The following PTPRR variants were observed in gnomAD, a reference collection of about 807,000 sequenced individuals.
PTPRR encodes the protein protein tyrosine phosphatase receptor type R, also known as receptor-type tyrosine-protein phosphatase R.
Under a neutral mutation model 77.2 loss-of-function variants are expected in PTPRR, and 38 were observed. That is an observed-to-expected ratio of 0.49 (90% CI 0.38 to 0.65). The LOEUF (loss-of-function observed/expected upper bound fraction) is 0.65, where lower values mean the gene tolerates loss of function less well. PTPRR is among the 30% of genes least tolerant of loss of function. PTPRR has a pLI of 0.00. For synonymous variants in PTPRR, 299 were observed against 283.1 expected, an observed-to-expected ratio of 1.06 and a Z score of -0.57; for missense variants, 744 against 799.2, an observed-to-expected ratio of 0.93 and a Z score of 0.83.
intron 2 of PTPRR, among the ~76,000 whole-genome samples, chr12:70,797,797 C>T (rs73146115): frequency 0.027 from 4,175 of 152,228 alleles, 83 homozygotes; most frequent in Middle Eastern, 0.041. Flanking sequence ...TGTTCTTTCT[C>T]ATCTCCTTCA....
chr12:70,867,449 G>C (rs917229220), intron 2 of PTPRR, among the ~76,000 whole-genome samples: 1 of 151,962 alleles, frequency 6.6e-6, no homozygotes, highest in Admixed American at 6.6e-5. Flanking sequence ...GCTTCAAAGA[G>C]AATAAAATAC....
Position 70,755,011 on chromosome 12 carries a change from G to C in PTPRR, c.628-710C>G, listed in dbSNP as rs138100179. Among the ~76,000 whole-genome samples, 375 of 152,214 alleles carry C rather than the reference G, an allele frequency of 2.5e-3. 3 individuals carry two copies. The highest frequency in any genetic ancestry group is 8.7e-3 in the African/African-American group (362 of 41,544). Reference sequence around the variant, plus strand: ...TTTTTGTTCCACTTTGGGGGTGGAAGAGCAGAGAAGAAGCATGAATAAAGT... The same window carrying C: ...TTTTTGTTCCACTTTGGGGGTGGAACAGCAGAGAAGAAGCATGAATAAAGT... On this transcript the variant is annotated intron_variant, in intron 4 of 13. Transcript: ENST00000283228.
intron 4 of PTPRR, among the ~76,000 whole-genome samples, chr12:70,756,992 T>C (rs547825128): frequency 4.9e-4 from 75 of 152,258 alleles, no homozygotes; most frequent in Non-Finnish European, 8.4e-4. Flanking sequence ...CAATATGGCT[T>C]TGTTGGATAA....
chr12:70,838,099 A>ATGTCT (rs1267800031), intron 2 of PTPRR, among the ~76,000 whole-genome samples: 3 of 152,142 alleles, frequency 2.0e-5, no homozygotes, highest in African/African-American at 7.2e-5. Flanking sequence ...TTGACCTGAA[A>ATGTCT]TGTCTTGTCT....
intron 2 of PTPRR, among the ~76,000 whole-genome samples, chr12:70,775,435 G>A (rs917717861): frequency 6.6e-6 from 1 of 152,190 alleles, no homozygotes; most frequent in African/African-American, 2.4e-5. Context: ...GCACTTTCAG[G>A]TACCAGCATT....
chr12:70,802,481 C>G (rs1891634765), intron 2 of PTPRR, among the ~76,000 whole-genome samples: 1 of 152,146 alleles, frequency 6.6e-6, no homozygotes, highest in South Asian at 2.1e-4. Context: ...ATGGCAATGA[C>G]AGGGCAGTGA....
intron 10 of PTPRR, among the ~76,000 whole-genome samples, chr12:70,675,137 C>T (rs1370227541): frequency 5.9e-5 from 9 of 151,970 alleles, no homozygotes; most frequent in Admixed American, 4.6e-4. Context: ...TTTTATCTAA[C>T]TTGACTTTTG....
At chr12:70,686,163 C>A (rs923825601) in intron 8 of PTPRR, among the ~76,000 whole-genome samples, 1 of 152,120 alleles carries the variant, frequency 6.6e-6, no homozygotes, top group Admixed American at 6.5e-5. Flanking sequence ...TCTCCCATTC[C>A]CATATTTTTT....
chr12:70,877,113 C>A (rs1279100813), intron 2 of PTPRR, among the ~76,000 whole-genome samples: 1 of 152,060 alleles, frequency 6.6e-6, no homozygotes. Context: ...GTTGGCTCAA[C>A]AAAGCAGACA....
chr12:70,915,970 T>C (rs73148161), intron 1 of PTPRR, among the ~76,000 whole-genome samples: 1,524 of 152,242 alleles, frequency 0.01, 11 homozygotes, highest in Non-Finnish European at 0.014. Context: ...AGACCTCTAA[T>C]ACATGCAATA....
chr12:70,711,164 A>G (rs1364325710), intron 6 of PTPRR, among the ~76,000 whole-genome samples: 2 of 152,210 alleles, frequency 1.3e-5, no homozygotes, highest in East Asian at 1.9e-4. Flanking sequence ...GATGGACTGG[A>G]TAAAGAAAAT....
intron 7 of PTPRR, 134 bp from the exon 8 acceptor site, chr12:70,698,483 G>T: frequency 1.6e-6 from 1 of 637,896 alleles, no homozygotes; most frequent in East Asian, 2.8e-5. Context: ...ACCTCTGGTG[G>T]ACCAACACCC....
chr12:70,899,519 T>C (rs1313228197), intron 1 of PTPRR, among the ~76,000 whole-genome samples: 1 of 151,442 alleles, frequency 6.6e-6, no homozygotes, highest in African/African-American at 2.4e-5. Flanking sequence ...AATTCATGTC[T>C]ATTCATAGTA....
rs1457025920 is a variant in PTPRR at position 70,807,222 on chromosome 12, T to C, written c.358-42444A>G. Among the ~76,000 whole-genome samples the C allele has an allele frequency of 3.9e-5, 6 of 152,180 alleles. No homozygotes were observed. In the South Asian group the frequency reaches 1.2e-3, roughly 32 times the overall value. ...GATAGACAAGTAAAGGGATGGGACA[T>C]TGTTGAACTACTGCATCTACTCAGG... is the stretch of plus-strand genomic sequence containing the variant. On this transcript the variant is annotated intron_variant, in intron 2 of 13. Coordinates refer to ENST00000283228, the MANE Select transcript of PTPRR (RefSeq NM_002849.4).
At chr12:70,868,372 G>GT (rs200063863) in intron 2 of PTPRR, among the ~76,000 whole-genome samples, 7 of 149,972 alleles carry the variant, frequency 4.7e-5, no homozygotes, top group East Asian at 3.9e-4. Flanking sequence ...CAAAAAGTGG[G>GT]AAAGGATATG....
chr12:70,733,470 C>CAAAAAAAAAAAAAAAAAAAAAAAAAAA (rs1193950231), intron 6 of PTPRR, among the ~76,000 whole-genome samples: 4 of 74,080 alleles, frequency 5.4e-5, no homozygotes, highest in African/African-American at 8.7e-5. Flanking sequence ...AAAATTATGG[C>CAAAAAAAAAAAAAAAAAAAAAAAAAAA]AAAAAAAAAA....
intron 6 of PTPRR, among the ~76,000 whole-genome samples, chr12:70,717,501 A>C (rs1305971079): frequency 2.6e-5 from 4 of 152,214 alleles, no homozygotes; most frequent in Non-Finnish European, 4.4e-5. Context: ...TACAAGGGAT[A>C]GGGTCACCAA....
chr12:70,725,722 G>T (rs1889409959), intron 6 of PTPRR, among the ~76,000 whole-genome samples: 1 of 151,958 alleles, frequency 6.6e-6, no homozygotes, highest in African/African-American at 2.4e-5. Flanking sequence ...ATTAGAATTG[G>T]TTATTTCTTT....
chr12:70,858,901 A>G (rs1892698919), intron 2 of PTPRR, among the ~76,000 whole-genome samples: 1 of 150,830 alleles, frequency 6.6e-6, no homozygotes, highest in Non-Finnish European at 1.5e-5. Context: ...CTTTGTAGGC[A>G]TTTTGAACAC....
Sources: gnomAD v4.1 joint callset for allele counts (sites outside exome capture counted in the v4.1 genomes callset) on GRCh38, gnomAD v4.1.1 for gene constraint, MANE v1.5 for transcripts, NCBI Gene and HGNC (gene_info 2026-07-23, HGNC 2026-07-21) for gene names.